The following SLC2A13 variants were observed in gnomAD, a reference collection of about 807,000 sequenced individuals.
SLC2A13 encodes solute carrier family 2 member 13.
Under a neutral mutation model 64.4 loss-of-function variants are expected in SLC2A13, and 32 were observed. The ratio of observed to expected loss-of-function variants is 0.50; its 90% CI spans 0.37 to 0.67. The LOEUF (loss-of-function observed/expected upper bound fraction) is 0.67. SLC2A13 is among the 30% of genes least tolerant of loss of function. SLC2A13 has a pLI of 0.00. For missense variants in SLC2A13, 743 were observed against 829.2 expected (o/e 0.90, Z 1.28); for synonymous variants, 338 against 327.1 (o/e 1.03, Z -0.36).
intron 1 of SLC2A13, among the ~76,000 whole-genome samples, chr12:40,096,467 T>TA (rs1592080574): frequency 6.6e-6 from 1 of 151,804 alleles, no homozygotes; most frequent in East Asian, 1.9e-4. Context: ...TTTGAGGTTT[T>TA]AAAAATTATA....
At chr12:40,098,047 G>GTGTATATATGTATATATGTGTATATATA (rs1326386468) in intron 1 of SLC2A13, among the ~76,000 whole-genome samples, 1 of 150,660 alleles carries the variant, frequency 6.6e-6, no homozygotes, top group Non-Finnish European at 1.5e-5. Flanking sequence ...ATGTATATAT[G>GTGTATATATGTATATATGTGTATATATA]TGTATATATG....
At chr12:39,921,161 C>CA (rs1461517051) in intron 4 of SLC2A13, among the ~76,000 whole-genome samples, 1 of 152,052 alleles carries the variant, frequency 6.6e-6, no homozygotes, top group Non-Finnish European at 1.5e-5. Flanking sequence ...TATAGAGCTG[C>CA]AAGGGGGCAA....
chr12:39,884,354 C>T (rs921377629), intron 4 of SLC2A13, among the ~76,000 whole-genome samples: 2 of 152,150 alleles, frequency 1.3e-5, no homozygotes, highest in Non-Finnish European at 2.9e-5. Context: ...AAATAAAAGA[C>T]CCTTTAATTT....
At chr12:40,074,077 T>C (rs1160738900) in intron 1 of SLC2A13, among the ~76,000 whole-genome samples, 1 of 152,166 alleles carries the variant, frequency 6.6e-6, no homozygotes, top group African/African-American at 2.4e-5. Context: ...CACTTTGCTT[T>C]TCAGTTTTGG....
intron 7 of SLC2A13, among the ~76,000 whole-genome samples, chr12:39,794,216 C>T (rs1941501950): frequency 1.3e-5 from 2 of 151,028 alleles, no homozygotes; most frequent in Admixed American, 6.6e-5. Flanking sequence ...AAACTTGCAG[C>T]TCTCCCTTTG....
At chr12:39,876,000 T>C (rs1289773818) in intron 4 of SLC2A13, among the ~76,000 whole-genome samples, 1 of 152,190 alleles carries the variant, frequency 6.6e-6, no homozygotes, top group Non-Finnish European at 1.5e-5. Context: ...AAAGGCTTTC[T>C]TTCCTTTTTA....
At chr12:40,087,301 T>A (rs928770462) in intron 1 of SLC2A13, among the ~76,000 whole-genome samples, 5 of 152,228 alleles carry the variant, frequency 3.3e-5, no homozygotes, top group Non-Finnish European at 5.9e-5. Context: ...ATTTTCATAG[T>A]ACTCACTAAA....
At chr12:39,856,525 T>C (rs1021604779) in intron 6 of SLC2A13, among the ~76,000 whole-genome samples, 2 of 152,048 alleles carry the variant, frequency 1.3e-5, no homozygotes, top group Admixed American at 6.6e-5. Flanking sequence ...CATGCCACCA[T>C]GCCCAGCTAA....
At chr12:40,028,124 A>G (rs1018729841) in intron 3 of SLC2A13, among the ~76,000 whole-genome samples, 177 bp downstream of exon 3, 1 of 152,008 alleles carries the variant, frequency 6.6e-6, no homozygotes, top group Non-Finnish European at 1.5e-5. Context: ...TGAATATGGA[A>G]GGTCAATAAT....
intron 3 of SLC2A13, among the ~76,000 whole-genome samples, chr12:40,026,892 C>G (rs1478263657): frequency 6.6e-6 from 1 of 152,042 alleles, no homozygotes; most frequent in East Asian, 1.9e-4. Context: ...CCAGCCTGGC[C>G]AACATGGTGA....
chr12:39,911,281 C>T (rs118019469), intron 4 of SLC2A13, among the ~76,000 whole-genome samples: 4 of 152,132 alleles, frequency 2.6e-5, no homozygotes, highest in East Asian at 3.9e-4. Flanking sequence ...TTAATACCCA[C>T]GCTTTGCTTA....
chr12:40,104,287 C>A (rs1288703903), intron 1 of SLC2A13, among the ~76,000 whole-genome samples: 23 of 152,214 alleles, frequency 1.5e-4, no homozygotes, highest in Non-Finnish European at 3.1e-4. Flanking sequence ...CACAGCCCCC[C>A]ACTTTCCCTC....
In SLC2A13 at chr12:39,759,271, T is replaced by G. The variant is rs1475965815; in HGVS notation, c.*755A>C. On this transcript the variant is annotated 3_prime_UTR_variant, in exon 10 of 10. Coordinates refer to ENST00000280871, the MANE Select transcript of SLC2A13 (RefSeq NM_052885.4). ...CCTTTAATCTGTTACTTTCTGAACA[T>G]AAAAGGTACTTCTCAAAACTTCCTA... 2 of 152,162 alleles carry G rather than the reference T, an allele frequency of 1.3e-5. No individual in the cohort carries two copies. Among genetic ancestry groups the G allele is most frequent in the African/African-American group, 4.8e-5 (2 of 41,392 alleles). The allele number at this position is 152,162 out of a possible 1,614,324, so 9.4% of individuals were successfully genotyped here. A position where few individuals can be genotyped will look rare whatever the true frequency, so the allele number is the denominator to read the frequency against.
At chr12:40,033,029 C>T (rs1024480181) in intron 2 of SLC2A13, among the ~76,000 whole-genome samples, 6 of 152,170 alleles carry the variant, frequency 3.9e-5, no homozygotes, top group Non-Finnish European at 5.9e-5. Flanking sequence ...CACCAGTTAC[C>T]GTGTGCCAAG....
At chr12:39,957,842 CT>C (rs1946343416) in intron 3 of SLC2A13, among the ~76,000 whole-genome samples, 1 of 152,152 alleles carries the variant, frequency 6.6e-6, no homozygotes. Flanking sequence ...CATGAGCCTA[CT>C]CCATGCTAGG....
At chr12:39,889,920 A>C (rs184879114) in intron 4 of SLC2A13, among the ~76,000 whole-genome samples, 1 of 152,320 alleles carries the variant, frequency 6.6e-6, no homozygotes, top group Admixed American at 6.5e-5. Flanking sequence ...CTGAAAATAA[A>C]TATAATTCTT....
At chr12:40,035,487 G>A (rs1947968607) in intron 2 of SLC2A13, among the ~76,000 whole-genome samples, 1 of 152,126 alleles carries the variant, frequency 6.6e-6, no homozygotes. Context: ...CTGCCACCAA[G>A]GACCATGTAA....
chr12:39,825,512 G>C (rs1015862325), intron 7 of SLC2A13, among the ~76,000 whole-genome samples: 2 of 152,064 alleles, frequency 1.3e-5, no homozygotes, highest in African/African-American at 4.8e-5. Flanking sequence ...TGTAAGTAGG[G>C]TATAGAAATC....
intron 4 of SLC2A13, among the ~76,000 whole-genome samples, chr12:39,894,988 G>A (rs10877742): frequency 0.19 from 28,151 of 152,144 alleles, 2,781 homozygotes; most frequent in Non-Finnish European, 0.23. Flanking sequence ...CATGGACCAT[G>A]ACCAAATCAT....
Sources: allele counts gnomAD v4.1 joint callset (sites outside exome capture counted in the v4.1 genomes callset), GRCh38; gene constraint gnomAD v4.1.1; transcripts MANE v1.5; gene names NCBI Gene and HGNC (gene_info 2026-07-23, HGNC 2026-07-21).